Variants in SLC9A8 observed in about 807,000 individuals in gnomAD.
SLC9A8 encodes the protein sodium/hydrogen exchanger 8.
A neutral mutation model predicts 66.6 loss-of-function variants in SLC9A8; 48 were observed. The observed-to-expected ratio is 0.72, with a 90% CI of 0.57 to 0.92. The LOEUF is 0.92. Ranked by LOEUF, SLC9A8 falls within the 40% of genes least tolerant of loss-of-function variation. SLC9A8 has a pLI of 0.00. For missense variants in SLC9A8, 599 were observed against 747.3 expected (o/e 0.80, Z 2.31); for synonymous variants, 274 against 282.6 (o/e 0.97, Z 0.31).
intron 2 of SLC9A8, among the ~76,000 whole-genome samples, chr20:49,820,915 T>C (rs2086717275): frequency 6.6e-6 from 1 of 152,324 alleles, no homozygotes; most frequent in Admixed American, 6.5e-5. Context: ...TAGTTTCCCT[T>C]GTGACTATTG....
chr20:49,886,620 T>TCA lies in SLC9A8; in HGVS notation c.1492-130_1492-129dup, dbSNP rs942793136. 136 of 1,094,154 alleles carry TCA rather than the reference T, an allele frequency of 1.2e-4. No individual in the cohort carries two copies. The African/African-American group carries it at 2.0e-3, about 16-fold the overall frequency. 67.8% of individuals were successfully genotyped at this position (1,094,154 alleles called of 1,614,324 possible). On this transcript the variant is annotated intron_variant, in intron 14 of 15. Coordinates refer to ENST00000361573, the MANE Select transcript of SLC9A8 (RefSeq NM_015266.3). The surrounding 1 kb of genome is among the most constrained non-coding windows in gnomAD (Gnocchi z 4.8). ...CTCCCAGGAGGCCGTCTGCTGCCCG[T>TCA]CACCCTGCATTGATGGTCAAGTGGA...
At chr20:49,829,889 G>C (rs1030991387) in intron 3 of SLC9A8, 5 of 572,880 alleles carry the variant, frequency 8.7e-6, no homozygotes, top group African/African-American at 7.5e-5. Context: ...GGGCTCTTCA[G>C]AGACAGGCTC....
chr20:49,839,585 C>T lies in SLC9A8; in HGVS notation c.334C>T (p.Leu112=). 1 of 1,600,876 alleles carries T rather than the reference C, an allele frequency of 6.2e-7. No homozygotes were observed. The highest frequency in any genetic ancestry group is 8.5e-7 in the Non-Finnish European group (1 of 1,169,668). Residue 112 remains leucine (L), a synonymous_variant, in exon 4 of 16, where the codon CTG becomes TTG. Coordinates refer to ENST00000361573, the MANE Select transcript of SLC9A8 (RefSeq NM_015266.3). ...AVIKIIEFKK[L]ANWKEEEMFR... ...TATAAAAATTATAGAGTTTAAAAAA[C>T]TGGCGAATTGGAAGGTAGGTTTGCC...
At chr20:49,844,111 A>G (rs1731583273) in intron 4 of SLC9A8, among the ~76,000 whole-genome samples, 1 of 152,204 alleles carries the variant, frequency 6.6e-6, no homozygotes, top group Non-Finnish European at 1.5e-5. Context: ...TTTCCTTTGT[A>G]AATTACCCAG....
intron 4 of SLC9A8, among the ~76,000 whole-genome samples, chr20:49,842,078 G>T: frequency 6.7e-6 from 1 of 149,376 alleles, no homozygotes. Flanking sequence ...TTTTTGCTGG[G>T]GAGTGGTGGG....
intron 10 of SLC9A8, among the ~76,000 whole-genome samples, chr20:49,872,077 C>A (rs2089230394): frequency 6.6e-6 from 1 of 152,104 alleles, no homozygotes; most frequent in African/African-American, 2.4e-5. Context: ...TGAGATGGCA[C>A]CATTGCACTC....
At chr20:49,825,955 C>T (rs564308237) in intron 3 of SLC9A8, among the ~76,000 whole-genome samples, 1 of 152,330 alleles carries the variant, frequency 6.6e-6, no homozygotes, top group Non-Finnish European at 1.5e-5. Flanking sequence ...CTCTGACCAC[C>T]TGGCGACCTC....
chr20:49,820,080 G>A (rs1299630091), intron 2 of SLC9A8, among the ~76,000 whole-genome samples: 1 of 152,112 alleles, frequency 6.6e-6, no homozygotes, highest in Non-Finnish European at 1.5e-5. Context: ...CGAGTCAAAC[G>A]GTTACTGTAT....
rs1568884384 is a variant in SLC9A8, at chr20:49,884,299, C to CACG, written c.1491+235_1491+236insGAC. ...GACACACACACACACGACACACACACACACACACACACACACACACACACA... is the reference window on the plus strand; with the variant it reads ...GACACACACACACACGACACACACACACGACACACACACACACACACACACACA... On this transcript the variant is annotated intron_variant, in intron 14 of 15. Coordinates refer to ENST00000361573, the MANE Select transcript of SLC9A8 (RefSeq NM_015266.3). 3.0e-5 allele frequency: 11 copies of CACG among 364,616 alleles called. 1 individual carries two copies. The highest frequency in any genetic ancestry group is 2.5e-4 in the African/African-American group (10 of 39,866). The allele number at this position is 364,616 out of a possible 1,614,324, so 22.6% of individuals were successfully genotyped here.
At chr20:49,838,048 G>A (rs899516697) in intron 3 of SLC9A8, among the ~76,000 whole-genome samples, 1 of 148,890 alleles carries the variant, frequency 6.7e-6, no homozygotes, top group Admixed American at 6.7e-5. Flanking sequence ...GGTGTGCCAT[G>A]CATACACTTA....
chr20:49,813,150 TC>T (rs1471715899), intron 1 of SLC9A8, among the ~76,000 whole-genome samples: 1 of 152,148 alleles, frequency 6.6e-6, no homozygotes, highest in Non-Finnish European at 1.5e-5. Context: ...TGGAGATCGG[TC>T]CCTCGAGCTG....
At chr20:49,864,513 C>T (rs1486104367) in intron 9 of SLC9A8, among the ~76,000 whole-genome samples, 1 of 152,148 alleles carries the variant, frequency 6.6e-6, no homozygotes, top group African/African-American at 2.4e-5. Flanking sequence ...CATTTATCTC[C>T]GGAATTTACA....
intron 3 of SLC9A8, among the ~76,000 whole-genome samples, chr20:49,831,306 C>T (rs1205265660): frequency 6.6e-6 from 1 of 152,140 alleles, no homozygotes; most frequent in Non-Finnish European, 1.5e-5. Flanking sequence ...CATGGGAAAG[C>T]TCTTGAGCTG....
chr20:49,878,113 A>C, intron 12 of SLC9A8, 50 bp downstream of exon 12: 1 of 1,127,570 alleles, frequency 8.9e-7, no homozygotes, highest in Non-Finnish European at 1.3e-6. Context: ...TTTGTAGATC[A>C]ATAAACACAT....
chr20:49,851,069 G>C (rs962459612), intron 7 of SLC9A8, among the ~76,000 whole-genome samples: 5 of 152,206 alleles, frequency 3.3e-5, no homozygotes, highest in Non-Finnish European at 7.3e-5. Flanking sequence ...TTGCTGATTG[G>C]AATGATTTAG....
chr20:49,878,509 T>C (rs1269475776), intron 12 of SLC9A8, among the ~76,000 whole-genome samples: 2 of 152,262 alleles, frequency 1.3e-5, no homozygotes, highest in Non-Finnish European at 2.9e-5. Context: ...TCTTTTCTGC[T>C]TTTTCTGGAT....
At chr20:49,875,344 G>C (rs752064266) in intron 11 of SLC9A8, among the ~76,000 whole-genome samples, 1 of 151,796 alleles carries the variant, frequency 6.6e-6, no homozygotes, top group African/African-American at 2.4e-5. Flanking sequence ...AGGAAATCCT[G>C]GTTAAATAAA....
intron 5 of SLC9A8, among the ~76,000 whole-genome samples, chr20:49,848,514 T>G (rs2088106046): frequency 6.6e-6 from 1 of 152,140 alleles, no homozygotes; most frequent in Admixed American, 6.5e-5. Flanking sequence ...ATTTCTGAGC[T>G]AAAAACAAGA....
At chr20:49,865,383 G>A (rs1568856918) in intron 10 of SLC9A8, among the ~76,000 whole-genome samples, 1 of 152,140 alleles carries the variant, frequency 6.6e-6, no homozygotes, top group South Asian at 2.1e-4. Context: ...AATGTTGGGC[G>A]TTTATTGGAC....
Sources: allele counts gnomAD v4.1 joint callset (sites outside exome capture counted in the v4.1 genomes callset), GRCh38; gene constraint gnomAD v4.1.1; non-coding constraint Gnocchi (gnomAD v3.1); transcripts MANE v1.5; gene names NCBI Gene and HGNC (gene_info 2026-07-23, HGNC 2026-07-21).